ITGAM: variants seen among roughly 807,000 people sequenced by gnomAD.
ITGAM encodes integrin alpha-M.
ITGAM carries 79 observed loss-of-function variants against 137.5 expected under a neutral mutation model. The observed-to-expected ratio is 0.57, with a 90% CI of 0.48 to 0.69. The LOEUF (loss-of-function observed/expected upper bound fraction) is 0.69. Among genes scored for constraint, ITGAM ranks in the 30% least tolerant of loss-of-function variants. The pLI is 0.00. For missense variants in ITGAM, 1,343 were observed against 1,483.5 expected, an observed-to-expected ratio of 0.91 and a Z score of 1.56; for synonymous variants, 583 against 592.3, an observed-to-expected ratio of 0.98 and a Z score of 0.23.
At chr16:31,271,309 A>T (rs2079837133) in intron 6 of ITGAM, among the ~76,000 whole-genome samples, 2 of 152,068 alleles carry the variant, frequency 1.3e-5, no homozygotes, top group South Asian at 4.1e-4. Flanking sequence ...TTGGCATGGG[A>T]GATGAAGCCC....
At chr16:31,262,587 T>A (rs1596964446) in intron 2 of ITGAM, among the ~76,000 whole-genome samples, 1 of 151,946 alleles carries the variant, frequency 6.6e-6, no homozygotes, top group Non-Finnish European at 1.5e-5. Flanking sequence ...ATTTTTTTTG[T>A]ATAGACGAGG....
At chr16:31,280,476 G>A (rs910124925) in intron 12 of ITGAM, among the ~76,000 whole-genome samples, 1 of 152,104 alleles carries the variant, frequency 6.6e-6, no homozygotes. Context: ...TGGATTCCTA[G>A]GTATTTTATT....
chr16:31,278,656 G>A (rs1034022084), intron 12 of ITGAM, among the ~76,000 whole-genome samples: 7 of 152,148 alleles, frequency 4.6e-5, no homozygotes, highest in African/African-American at 1.7e-4. Context: ...AGCGAGTGAG[G>A]CAAAACTCTC....
rs573686153 is a variant in ITGAM, at chr16:31,327,245, C to T, written c.2708+310C>T. 5.3e-5 allele frequency among the ~76,000 whole-genome samples: 8 copies of T among 152,136 alleles called. No homozygotes were observed. The South Asian group carries it at 1.0e-3, about 20-fold the overall frequency. The stretch of plus-strand genomic sequence containing the variant: ...ATGAGATGCAAGATTAGATGGGGGA[C>T]GGCCAGTGTTCTTGGGAGTTTGGTG... On this transcript the variant is annotated intron_variant, in intron 22 of 29. Coordinates refer to ENST00000544665, the MANE Select transcript of ITGAM (RefSeq NM_000632.4).
chr16:31,326,442 A>G (rs1202695003), intron 21 of ITGAM, among the ~76,000 whole-genome samples: 4 of 152,122 alleles, frequency 2.6e-5, no homozygotes, highest in Non-Finnish European at 4.4e-5. Context: ...TTTGAGATGG[A>G]GTTTCACTTC....
intron 12 of ITGAM, among the ~76,000 whole-genome samples, chr16:31,295,187 G>C (rs1038400536): frequency 2.6e-5 from 4 of 151,936 alleles, no homozygotes; most frequent in Admixed American, 2.0e-4. Flanking sequence ...TTTTTTTCTT[G>C]AGGATTGCTT....
chr16:31,325,823 T>C (rs2080502947), intron 21 of ITGAM, among the ~76,000 whole-genome samples: 1 of 152,128 alleles, frequency 6.6e-6, no homozygotes. Context: ...CATAGCACTT[T>C]AGGAGGTCGA....
chr16:31,295,736 C>T (rs1334721260), intron 12 of ITGAM, among the ~76,000 whole-genome samples: 1 of 151,622 alleles, frequency 6.6e-6, no homozygotes, highest in East Asian at 1.9e-4. Context: ...ATTGCTGTGA[C>T]CAGGACTTCC....
intron 14 of ITGAM, among the ~76,000 whole-genome samples, chr16:31,315,592 G>C (rs1296538218): frequency 6.6e-6 from 1 of 151,982 alleles, no homozygotes; most frequent in African/African-American, 2.4e-5. Context: ...CAAGTAGCTG[G>C]GATTACAGGC....
chr16:31,313,482 G>T (rs1284745666), intron 14 of ITGAM, among the ~76,000 whole-genome samples: 1 of 151,784 alleles, frequency 6.6e-6, no homozygotes, highest in East Asian at 1.9e-4. Flanking sequence ...TGTGGTGTTT[G>T]CTTTCCTGTT....
intron 24 of ITGAM, 30 bp from the exon 25 acceptor site, chr16:31,329,768 A>G (rs1377477903): frequency 6.5e-7 from 1 of 1,532,716 alleles, no homozygotes; most frequent in East Asian, 2.5e-5. Context: ...GAGGAAGGCC[A>G]GAGCCCTGAC....
At chr16:31,290,601 C>A (rs1409448184) in intron 12 of ITGAM, among the ~76,000 whole-genome samples, 1 of 152,056 alleles carries the variant, frequency 6.6e-6, no homozygotes, top group Admixed American at 6.6e-5. Flanking sequence ...TGAAAAAGAG[C>A]ATTTACAAAA....
At chr16:31,294,571 G>T (rs962367352) in intron 12 of ITGAM, among the ~76,000 whole-genome samples, 4 of 152,018 alleles carry the variant, frequency 2.6e-5, no homozygotes, top group Non-Finnish European at 5.9e-5. Context: ...TTTGCACCCC[G>T]GGAATGAAGC....
Position 31,321,270 on chromosome 16 carries a change from G to C in ITGAM, c.1737G>C (p.Arg579Ser), listed in dbSNP as rs754605580. ...TAGCAGGCTCCAAGCTCTCTCCCAGGCTCCAGTATTTTGGTCAGTCACTGA... is the reference window on the plus strand; with the variant it reads ...TAGCAGGCTCCAAGCTCTCTCCCAGCCTCCAGTATTTTGGTCAGTCACTGA... ...QRIAGSKLSP[R>S]LQYFGQSLSG... The change falls in exon 15 of 30, where the codon AGG becomes AGC. Residue 579 changes from arginine to serine, a missense_variant. Physicochemically the swap from Arg to Ser is moderately radical, Grantham distance 110 (BLOSUM62 -1). Transcript: ENST00000544665. The C allele has an allele frequency of 2.5e-6, 4 of 1,613,936 alleles. No homozygotes were observed. The highest frequency in any genetic ancestry group is 3.4e-6 in the Non-Finnish European group (4 of 1,179,880).
At chr16:31,300,122 A>G (rs1297999286) in intron 14 of ITGAM, among the ~76,000 whole-genome samples, 2 of 152,070 alleles carry the variant, frequency 1.3e-5, no homozygotes, top group African/African-American at 2.4e-5. Flanking sequence ...GTATGTATAT[A>G]CCACAATTAA....
rs777749828 is a variant in ITGAM, at chr16:31,297,746, G to A, written c.1499G>A (p.Arg500Lys). 4 of 1,594,974 alleles carry A rather than the reference G, an allele frequency of 2.5e-6. No homozygotes were observed. The Admixed American group carries it at 5.5e-5, about 22-fold the overall frequency. ...CCTGATACTGTTTGTGTTTAGCAGA[G>A]GGCTCGGTGGCAGTGTGATGCTGTT... ...QVSVCPLPRGRARWQCDAVLY... is the reference protein window; with the variant it reads ...QVSVCPLPRGKARWQCDAVLY... Residue 500 changes from arginine to lysine, a missense_variant and splice_region_variant, in exon 14 of 30, where the codon AGG becomes AAG. Coordinates refer to ENST00000544665, the MANE Select transcript of ITGAM (RefSeq NM_000632.4).
rs2080480938 is a variant in ITGAM at position 31,324,230 on chromosome 16, AAAG to A, written c.2003-166_2003-164del. 1.3e-5 allele frequency among the ~76,000 whole-genome samples: 2 copies of A among 151,834 alleles called. No individual in the cohort carries two copies. The highest frequency in any genetic ancestry group is 2.4e-5 in the African/African-American group (1 of 41,330). On this transcript the variant is annotated intron_variant, in intron 16 of 29. Coordinates refer to ENST00000544665, the MANE Select transcript of ITGAM (RefSeq NM_000632.4). This position sits in a 1 kb window ranked among gnomAD's most constrained non-coding sequence, Gnocchi z 4.5. ...AAGGAAAGGGAGGAAGAGAGCGAGG[AAAG>A]AAAGAAAGAAAGAAAAAGGAAGGAA...
At chr16:31,293,674 C>T (rs2080107627) in intron 12 of ITGAM, among the ~76,000 whole-genome samples, 2 of 152,018 alleles carry the variant, frequency 1.3e-5, no homozygotes, top group Non-Finnish European at 2.9e-5. Context: ...TAATGTGATG[C>T]CTCCTTCTGT....
chr16:31,329,934 C>A lies in ITGAM; in HGVS notation c.2976+29C>A, dbSNP rs368099350. ...AGCGGAGCTCGGCCTGACTCCTGCA[C>A]GGCCCTGCGCGTTCCTCTCACCTCT... On this transcript the variant is annotated intron_variant, in intron 25 of 29. Transcript: ENST00000544665. 3.7e-5 allele frequency: 57 copies of A among 1,537,942 alleles called. No individual in the cohort carries two copies. In the Admixed American group the frequency reaches 1.1e-3, roughly 29 times the overall value.
Sources: gnomAD v4.1 joint callset for allele counts (sites outside exome capture counted in the v4.1 genomes callset) on GRCh38, gnomAD v4.1.1 for gene constraint, Gnocchi (gnomAD v3.1) non-coding constraint, MANE v1.5 for transcripts, NCBI Gene and HGNC (gene_info 2026-07-23, HGNC 2026-07-21) for gene names.